The following ANO2 variants were observed in gnomAD, a reference collection of about 807,000 sequenced individuals.
ANO2 encodes anoctamin-2.
A neutral mutation model predicts 124.2 loss-of-function variants in ANO2; 101 were observed. That is an observed-to-expected ratio of 0.81 (90% CI 0.69 to 0.96). ANO2 has a LOEUF of 0.96. Ranked by LOEUF, ANO2 falls within the 40% of genes least tolerant of loss-of-function variation. The pLI is 0.00. For synonymous variants in ANO2, 486 were observed against 482.5 expected (o/e 1.01, Z -0.09); for missense variants, 1,293 against 1,274.5 (o/e 1.01, Z -0.22).
At chr12:5,945,307 C>G (rs1432260862), upstream of ANO2, 3 of 1,077,648 alleles carry the variant, frequency 2.8e-6, no homozygotes, top group Non-Finnish European at 3.4e-6. Flanking sequence ...GGCTCAGCTC[C>G]GTCCCGGCGC....
chr12:5,844,576 T>C (rs555370350), intron 4 of ANO2, among the ~76,000 whole-genome samples: 1 of 152,332 alleles, frequency 6.6e-6, no homozygotes, highest in African/African-American at 2.4e-5. Flanking sequence ...ATTTTAAAGC[T>C]ATGGTAGATA....
intron 3 of ANO2, among the ~76,000 whole-genome samples, chr12:5,863,136 A>C (rs1244103241): frequency 2.6e-5 from 4 of 152,184 alleles, no homozygotes; most frequent in Admixed American, 2.6e-4. Flanking sequence ...TTTCTTTATA[A>C]ATTACCCAGT....
At chr12:5,767,172 G>A (rs1410410328) in intron 10 of ANO2, among the ~76,000 whole-genome samples, 1 of 152,216 alleles carries the variant, frequency 6.6e-6, no homozygotes, top group African/African-American at 2.4e-5. Flanking sequence ...AAGATGTCAG[G>A]CTTTCCTGGT....
intron 15 of ANO2, among the ~76,000 whole-genome samples, chr12:5,641,194 G>A (rs1436507658): frequency 4.0e-5 from 6 of 150,178 alleles, no homozygotes; most frequent in Non-Finnish European, 7.4e-5. Flanking sequence ...TGGACACAGG[G>A]CGAGGAACAT....
intron 3 of ANO2, among the ~76,000 whole-genome samples, chr12:5,903,384 G>C (rs955542626): frequency 9.2e-5 from 14 of 152,110 alleles, no homozygotes; most frequent in African/African-American, 4.8e-5. Flanking sequence ...TTGTTTCCTG[G>C]ACAAATATTA....
At chr12:5,751,978 T>TCC (rs1951455199) in intron 10 of ANO2, among the ~76,000 whole-genome samples, 1 of 152,204 alleles carries the variant, frequency 6.6e-6, no homozygotes, top group African/African-American at 2.4e-5. Flanking sequence ...TCATGCAGTA[T>TCC]TTGTGCTTCT....
intron 19 of ANO2, among the ~76,000 whole-genome samples, chr12:5,606,355 T>C (rs562636687): frequency 5.3e-5 from 8 of 152,314 alleles, no homozygotes; most frequent in Non-Finnish European, 7.3e-5. Flanking sequence ...AGAAAAAACA[T>C]CTTTGGCTTG....
intron 4 of ANO2, 22 bp downstream of exon 4, chr12:5,854,020 AC>A (rs1185205468): frequency 6.2e-7 from 1 of 1,602,758 alleles, no homozygotes; most frequent in South Asian, 1.1e-5. Context: ...GAGGCCCAGA[AC>A]CCAGGAGAAA....
intron 3 of ANO2, among the ~76,000 whole-genome samples, chr12:5,864,492 T>C (rs1382267558): frequency 2.0e-5 from 3 of 152,178 alleles, no homozygotes; most frequent in Non-Finnish European, 4.4e-5. Flanking sequence ...CACAGTGAAA[T>C]TGTTCTGGAC....
intron 14 of ANO2, among the ~76,000 whole-genome samples, chr12:5,648,959 A>G (rs1334163611): frequency 6.6e-6 from 1 of 152,216 alleles, no homozygotes; most frequent in Non-Finnish European, 1.5e-5. Context: ...CTTGTACTGT[A>G]AGTGAAGGAC....
chr12:5,927,483 C>G (rs1942134889), intron 1 of ANO2, among the ~76,000 whole-genome samples: 1 of 152,134 alleles, frequency 6.6e-6, no homozygotes, highest in African/African-American at 2.4e-5. Flanking sequence ...TCAGAGTCTC[C>G]CCAAACCAGT....
At chr12:5,847,983 G>A (rs556915929) in intron 4 of ANO2, among the ~76,000 whole-genome samples, 6 of 152,130 alleles carry the variant, frequency 3.9e-5, no homozygotes, top group East Asian at 1.9e-4. Context: ...TGCTCGAACC[G>A]TTATCTTTGA....
chr12:5,711,157 CA>C (rs200477878), intron 14 of ANO2, among the ~76,000 whole-genome samples: 1,902 of 92,718 alleles, frequency 0.021, 7 homozygotes, highest in Non-Finnish European at 0.025. Context: ...GACTCTGTCT[CA>C]AAAAAAAAAA....
At chr12:5,836,646 T>C (rs1470663999) in intron 4 of ANO2, 1 of 153,292 alleles carries the variant, frequency 6.5e-6, no homozygotes, top group Admixed American at 6.5e-5. Context: ...GACCTTTCCG[T>C]GTAGTTCCTG....
chr12:5,713,354 CTTT>C (rs1237133899), intron 14 of ANO2, among the ~76,000 whole-genome samples: 3 of 152,168 alleles, frequency 2.0e-5, no homozygotes, highest in African/African-American at 7.2e-5. Context: ...TGTTTTACTT[CTTT>C]AACATTATTT....
chr12:5,799,405 C>G, intron 10 of ANO2, 102 bp downstream of exon 10: 1 of 978,704 alleles, frequency 1.0e-6, no homozygotes, highest in Admixed American at 2.2e-5. Context: ...AAAGAAGATC[C>G]CTCCACTTGA....
chr12:5,819,406 T>G (rs1263601455), intron 7 of ANO2, among the ~76,000 whole-genome samples: 1 of 152,232 alleles, frequency 6.6e-6, no homozygotes, highest in Admixed American at 6.5e-5. Context: ...AACATAGAGT[T>G]GGATCAGGCT....
Position 5,635,266 on chromosome 12 carries a change from T to C in ANO2, c.1702A>G (p.Thr568Ala). 1.9e-6 allele frequency: 3 copies of C among 1,612,740 alleles called. No individual in the cohort carries two copies. The highest frequency in any genetic ancestry group is 2.5e-6 in the Non-Finnish European group (3 of 1,179,652). ...ACTGTCACCCGGACATTGGAGCGTG[T>C]AGCCTTATTGAGAGACAGAGCGGCT... ...TAAALSLNKATRSNVRVTVTA... is the reference protein window; with the variant it reads ...TAAALSLNKAARSNVRVTVTA... The change falls in exon 16 of 25, where the codon ACA becomes GCA. Residue 568 changes from threonine to alanine, a missense_variant. Thr to Ala is a moderately conservative substitution (Grantham distance 58). Transcript: ENST00000682330. The surrounding 1 kb of genome is among the most constrained non-coding windows in gnomAD (Gnocchi z 5.2).
intron 12 of ANO2, among the ~76,000 whole-genome samples, 185 bp downstream of exon 12, chr12:5,743,972 G>A (rs945889746): frequency 6.6e-6 from 1 of 152,158 alleles, no homozygotes; most frequent in Non-Finnish European, 1.5e-5. Context: ...AGACATGAAG[G>A]ATATTCCTGT....
Sources: gnomAD v4.1 joint callset for allele counts (sites outside exome capture counted in the v4.1 genomes callset) on GRCh38, gnomAD v4.1.1 for gene constraint, Gnocchi (gnomAD v3.1) non-coding constraint, MANE v1.5 for transcripts, NCBI Gene and HGNC (gene_info 2026-07-23, HGNC 2026-07-21) for gene names.